KIAA0825: variants seen among roughly 807,000 people sequenced by gnomAD.
The protein encoded by KIAA0825 is KIAA0825, also known as uncharacterized protein KIAA0825.
A neutral mutation model predicts 147.6 loss-of-function variants in KIAA0825; 119 were observed. The observed-to-expected ratio is 0.81, with a 90% CI of 0.69 to 0.94. The LOEUF (loss-of-function observed/expected upper bound fraction) is 0.94, where lower values mean the gene tolerates loss of function less well. Among genes scored for constraint, KIAA0825 ranks in the 40% least tolerant of loss-of-function variants. The pLI is 0.00. For missense variants in KIAA0825, 1,381 were observed against 1,472.7 expected (o/e 0.94, Z 1.02); for synonymous variants, 470 against 518.1 (o/e 0.91, Z 1.26).
intron 20 of KIAA0825, among the ~76,000 whole-genome samples, chr5:94,194,232 T>G (rs1770926094): frequency 1.3e-5 from 2 of 152,142 alleles, no homozygotes; most frequent in Non-Finnish European, 2.9e-5. Flanking sequence ...CATTCTTTTA[T>G]TGGCCTTCAC....
chr5:94,282,750 GT>G (rs1427979346), intron 20 of KIAA0825, among the ~76,000 whole-genome samples: 1 of 152,014 alleles, frequency 6.6e-6, no homozygotes, highest in Non-Finnish European at 1.5e-5. Flanking sequence ...TGTAAGAAAT[GT>G]TTGTAGGAAT....
At chr5:94,285,970 C>T (rs568791619) in intron 20 of KIAA0825, among the ~76,000 whole-genome samples, 1 of 152,240 alleles carries the variant, frequency 6.6e-6, no homozygotes, top group Admixed American at 6.5e-5. Flanking sequence ...CACATATCAG[C>T]CAACACCAGA....
In KIAA0825 at chr5:94,471,565, T is replaced by C; in HGVS notation, c.1622A>G (p.Lys541Arg). 6.4e-7 allele frequency: 1 copy of C among 1,551,936 alleles called. No individual in the cohort carries two copies. Among genetic ancestry groups the C allele is most frequent in the Non-Finnish European group, 8.7e-7 (1 of 1,147,058 alleles). The change falls in exon 9 of 21, where the codon AAA becomes AGA. Residue 541 changes from lysine (K) to arginine (R), a missense_variant. Transcript: ENST00000682413. ...TGTGTGCAAGTTTTTCAGGGGTGCTTTGGAAGGAACCTCCTTGGCTCTCTC... is the reference window on the plus strand; with the variant it reads ...TGTGTGCAAGTTTTTCAGGGGTGCTCTGGAAGGAACCTCCTTGGCTCTCTC... ...LQERAKEVPS[K>R]APLKNLHTYL...
chr5:94,464,064 CAAAAAA>C (rs11364703), intron 11 of KIAA0825, among the ~76,000 whole-genome samples: 3 of 90,286 alleles, frequency 3.3e-5, no homozygotes, highest in African/African-American at 8.5e-5. Context: ...TTCCTCCTGC[CAAAAAA>C]AAAAAAAAAA....
rs542349370 is a variant in KIAA0825, at chr5:94,396,300, CCA to C, written c.3095_3096del (p.Val1032GlyfsTer9). The C allele has an allele frequency of 1.5e-5, 23 of 1,550,406 alleles. No individual in the cohort carries two copies. Among genetic ancestry groups the C allele is most frequent in the African/African-American group, 2.7e-5 (2 of 72,974 alleles). ...ICRIFEDGNT[V>X]ELLTGASLDR... The stretch of plus-strand genomic sequence containing the variant: ...TCAAGAGAGGCACCTGTTAAAAGTT[CCA>C]CAGTGTTTCCGTCCTCAAATATCCG... On this transcript the variant is annotated frameshift_variant, in exon 17 of 21. Coordinates refer to ENST00000682413, the MANE Select transcript of KIAA0825 (RefSeq NM_001145678.3). LOFTEE classifies it high-confidence loss of function.
intron 14 of KIAA0825, among the ~76,000 whole-genome samples, chr5:94,424,202 C>G (rs1754546986): frequency 6.6e-6 from 1 of 152,032 alleles, no homozygotes; most frequent in Admixed American, 6.6e-5. Flanking sequence ...TTGGAAGGCT[C>G]TTGTGTCATA....
chr5:94,226,858 C>T (rs1460886620), intron 20 of KIAA0825, among the ~76,000 whole-genome samples: 13 of 151,448 alleles, frequency 8.6e-5, no homozygotes, highest in Middle Eastern at 3.4e-3. Context: ...TACCATCTCA[C>T]GCCAGTTAGA....
chr5:94,163,416 T>A (rs1438969282), intron 20 of KIAA0825, among the ~76,000 whole-genome samples: 1 of 152,210 alleles, frequency 6.6e-6, no homozygotes. Flanking sequence ...CCACCACTTT[T>A]TTCTTTAGTA....
At chr5:94,224,827 G>C (rs1774015226) in intron 20 of KIAA0825, among the ~76,000 whole-genome samples, 1 of 151,996 alleles carries the variant, frequency 6.6e-6, no homozygotes, top group African/African-American at 2.4e-5. Flanking sequence ...CTCCCTTTTT[G>C]TCCTAATCTT....
intron 20 of KIAA0825, among the ~76,000 whole-genome samples, chr5:94,164,988 A>G (rs555744458): frequency 6.6e-6 from 1 of 152,336 alleles, no homozygotes; most frequent in Admixed American, 6.5e-5. Flanking sequence ...AGCACAGGCA[A>G]CCAAAGCGAA....
intron 20 of KIAA0825, among the ~76,000 whole-genome samples, chr5:94,287,156 A>T (rs1777695394): frequency 1.3e-5 from 2 of 152,218 alleles, no homozygotes; most frequent in Non-Finnish European, 2.9e-5. Flanking sequence ...CACCAACACC[A>T]GTGCCTGGTG....
chr5:94,493,979 G>A (rs1216106855), intron 5 of KIAA0825, among the ~76,000 whole-genome samples: 1 of 152,080 alleles, frequency 6.6e-6, no homozygotes, highest in African/African-American at 2.4e-5. Context: ...ATTTCCTTTG[G>A]AGGGGTCCAG....
chr5:94,380,899 T>C (rs765093110), intron 20 of KIAA0825, among the ~76,000 whole-genome samples: 54 of 152,248 alleles, frequency 3.5e-4, no homozygotes, highest in Non-Finnish European at 6.5e-4. Flanking sequence ...TCAAGATTTG[T>C]TCTGCCTTTG....
intron 17 of KIAA0825, among the ~76,000 whole-genome samples, chr5:94,394,443 T>C (rs1750350762): frequency 6.6e-6 from 1 of 152,154 alleles, no homozygotes; most frequent in Admixed American, 6.5e-5. Context: ...TTTTGGCTCA[T>C]TGTTAATCAG....
At chr5:94,529,371 A>G (rs62364619) in intron 3 of KIAA0825, among the ~76,000 whole-genome samples, 1,897 of 119,460 alleles carry the variant, frequency 0.016, 34 homozygotes, top group Non-Finnish European at 0.025. Context: ...TCATATATGT[A>G]TATATCTCAT....
chr5:94,193,045 A>G (rs1225513660), intron 20 of KIAA0825, among the ~76,000 whole-genome samples: 1 of 152,158 alleles, frequency 6.6e-6, no homozygotes, highest in Non-Finnish European at 1.5e-5. Context: ...AATACAAGAA[A>G]GCTCCCCCTA....
In KIAA0825 at chr5:94,180,148, G is replaced by A. The variant is rs189646287; in HGVS notation, c.3711-26024C>T. On this transcript the variant is annotated intron_variant, in intron 20 of 20. Transcript: ENST00000682413. ...ATACAAGCTCAACCAAATGATCAAGGGTAACATCACCAGTAATTAGACAAA... is the reference window on the plus strand; with the variant it reads ...ATACAAGCTCAACCAAATGATCAAGAGTAACATCACCAGTAATTAGACAAA... 1.8e-3 allele frequency among the ~76,000 whole-genome samples: 269 copies of A among 151,578 alleles called. 3 individuals carry two copies. The highest frequency in any genetic ancestry group is 0.014 in the Middle Eastern group (4 of 294).
In KIAA0825 at chr5:94,391,654, C is replaced by T. The variant is rs970931815; in HGVS notation, c.3337G>A (p.Gly1113Arg). The T allele has an allele frequency of 6.4e-7, 1 of 1,550,684 alleles. No homozygotes were observed. Among genetic ancestry groups the T allele is most frequent in the African/African-American group, 1.4e-5 (1 of 73,030 alleles). The change falls in exon 18 of 21, where the codon GGA becomes AGA. Residue 1113 changes from glycine to arginine, a missense_variant. Physicochemically the swap from Gly to Arg is moderately radical, Grantham distance 125 (BLOSUM62 -2). Coordinates refer to ENST00000682413, the MANE Select transcript of KIAA0825 (RefSeq NM_001145678.3). ...TCAGTCAGTTCAAGAGCAACATCTC[C>T]TTCTTGTAAGGCCGTGCTTTTCTCT... ...TIEKSTALQE[G>R]DVALELTEQK...
At chr5:94,343,564 C>T (rs1201981689) in intron 20 of KIAA0825, among the ~76,000 whole-genome samples, 2 of 152,122 alleles carry the variant, frequency 1.3e-5, no homozygotes, top group East Asian at 1.9e-4. Flanking sequence ...TGGCGGGCGC[C>T]TGTAGTCCCA....
Sources: allele counts gnomAD v4.1 joint callset (sites outside exome capture counted in the v4.1 genomes callset), GRCh38; gene constraint gnomAD v4.1.1; transcripts MANE v1.5; gene names NCBI Gene and HGNC (gene_info 2026-07-23, HGNC 2026-07-21).